Variants in PDE9A observed in about 807,000 individuals in gnomAD.
PDE9A encodes phosphodiesterase 9A, also known as high affinity cGMP-specific 3',5'-cyclic phosphodiesterase 9A.
Under a neutral mutation model 87.4 loss-of-function variants are expected in PDE9A, and 60 were observed. The ratio of observed to expected loss-of-function variants is 0.69; its 90% CI spans 0.56 to 0.85. The LOEUF is 0.85. Ranked by LOEUF, PDE9A falls within the 40% of genes least tolerant of loss-of-function variation. The pLI, the probability that PDE9A is intolerant of heterozygous loss-of-function variation, is 0.00. For synonymous variants in PDE9A, 272 were observed against 279.4 expected (o/e 0.97, Z 0.27); for missense variants, 665 against 779.0 (o/e 0.85, Z 1.74).
At chr21:42,710,786 G>A (rs1340349569) in intron 4 of PDE9A, among the ~76,000 whole-genome samples, 3 of 152,140 alleles carry the variant, frequency 2.0e-5, no homozygotes, top group Non-Finnish European at 2.9e-5. Context: ...TCAAGAGTTC[G>A]AGACCAGCCT....
chr21:42,672,186 C>T (rs1293772277), intron 1 of PDE9A, among the ~76,000 whole-genome samples: 1 of 152,252 alleles, frequency 6.6e-6, no homozygotes, highest in African/African-American at 2.4e-5. Context: ...CAGAGCTGCA[C>T]ATCCCGTTAT....
intron 1 of PDE9A, among the ~76,000 whole-genome samples, chr21:42,676,099 C>T (rs972349842): frequency 1.3e-5 from 2 of 152,226 alleles, no homozygotes; most frequent in African/African-American, 4.8e-5. Context: ...GCTCCTGTTT[C>T]ACCTTCCATC....
intron 7 of PDE9A, among the ~76,000 whole-genome samples, chr21:42,735,004 A>G (rs1004589422): frequency 6.6e-6 from 1 of 152,244 alleles, no homozygotes; most frequent in Admixed American, 6.5e-5. Context: ...AGAAAGCTAA[A>G]GCTGCAAGCA....
Position 42,731,806 on chromosome 21 carries a change from A to G in PDE9A, c.299A>G (p.Gln100Arg), listed in dbSNP as rs2051793475. The change falls in exon 5 of 20, where the codon CAG (glutamine) becomes CGG (arginine). Residue 100 changes from glutamine (Q) to arginine (R), a missense_variant. By Grantham distance (43) the Gln-to-Arg change is conservative (BLOSUM62 1). Coordinates refer to ENST00000291539, the MANE Select transcript of PDE9A (RefSeq NM_002606.3). ...GACAAGAGAACCACAAGCCGTGGCCAGTCTGCTGAGAGACCACTGAGGGAC... is the reference window on the plus strand; with the variant it reads ...GACAAGAGAACCACAAGCCGTGGCCGGTCTGCTGAGAGACCACTGAGGGAC... The part of the protein sequence containing the change: ...VEDKRTTSRG[Q>R]SAERPLRDRR... The G allele has an allele frequency of 1.2e-6, 2 of 1,614,174 alleles. No homozygotes were observed. The highest frequency in any genetic ancestry group is 1.7e-6 in the Non-Finnish European group (2 of 1,180,014).
chr21:42,768,359 G>A (rs753179829), intron 16 of PDE9A, 67 bp downstream of exon 16: 57 of 1,173,042 alleles, frequency 4.9e-5, no homozygotes, highest in South Asian at 1.4e-4. Flanking sequence ...AAGGGTTTGC[G>A]TTAAACGAGC....
intron 1 of PDE9A, among the ~76,000 whole-genome samples, chr21:42,670,660 T>C (rs906510640): frequency 6.9e-6 from 1 of 145,520 alleles, no homozygotes; most frequent in African/African-American, 2.7e-5. Flanking sequence ...TTCACACACA[T>C]ACACACATAC....
chr21:42,747,071 TCCCCAGCCG>T (rs2053930817), intron 8 of PDE9A, among the ~76,000 whole-genome samples: 1 of 152,142 alleles, frequency 6.6e-6, no homozygotes, highest in South Asian at 2.1e-4. Flanking sequence ...TCTGGTCTCA[TCCCCAGCCG>T]CGTCATGTGC....
chr21:42,758,692 C>G (rs1488685596), intron 10 of PDE9A: 1 of 349,418 alleles, frequency 2.9e-6, no homozygotes, highest in African/African-American at 2.1e-5. Context: ...CTCACCCGGT[C>G]GCTGTCCTAA....
intron 4 of PDE9A, among the ~76,000 whole-genome samples, chr21:42,707,512 C>T (rs994727194): frequency 2.6e-5 from 4 of 152,168 alleles, no homozygotes; most frequent in Admixed American, 6.5e-5. Context: ...GAGCTCAGAG[C>T]GAGGAGTCAC....
At chr21:42,742,117 C>G (rs1467872471) in intron 7 of PDE9A, among the ~76,000 whole-genome samples, 1 of 152,112 alleles carries the variant, frequency 6.6e-6, no homozygotes, top group African/African-American at 2.4e-5. Flanking sequence ...AACGCTCGCT[C>G]GGAGGCATAA....
At position 42,703,418 on chromosome 21, in the gene PDE9A, G is replaced by A. The variant is rs573544191; in HGVS notation, c.262+4407G>A. ...AGGACGCTGGTGACAGGACACCATC[G>A]GGAGCAGAGGGGAAGCCATAAAGCC... On this transcript the variant is annotated intron_variant, in intron 4 of 19. Transcript: ENST00000291539. Among the ~76,000 whole-genome samples, 169 of 152,354 alleles carry A rather than the reference G, an allele frequency of 1.1e-3. 1 individual carries two copies. Among genetic ancestry groups the A allele is most frequent in the Non-Finnish European group, 1.9e-3 (129 of 68,040 alleles).
chr21:42,672,398 C>T (rs1428731760), intron 1 of PDE9A, among the ~76,000 whole-genome samples: 4 of 152,234 alleles, frequency 2.6e-5, no homozygotes, highest in African/African-American at 9.6e-5. Flanking sequence ...GCTTTTAGGG[C>T]GTTTGGCTCT....
Position 42,751,110 on chromosome 21 carries a change from C to A in PDE9A, c.654-6C>A. The A allele has an allele frequency of 6.3e-7, 1 of 1,592,070 alleles. No individual in the cohort carries two copies. The highest frequency in any genetic ancestry group is 8.6e-7 in the Non-Finnish European group (1 of 1,159,696). ...ACCACAGCTCATCTCTGCTCCTTCT[C>A]TCTAGGACCAACTGCCCCTGTAAGT... On this transcript the variant is annotated splice_polypyrimidine_tract_variant and splice_region_variant and intron_variant, in intron 8 of 19. Transcript: ENST00000291539.
chr21:42,712,336 T>G (rs545332616), intron 4 of PDE9A, among the ~76,000 whole-genome samples: 1 of 152,356 alleles, frequency 6.6e-6, no homozygotes, highest in Admixed American at 6.5e-5. Flanking sequence ...TGCTGCTAGT[T>G]TATAAAAATA....
rs560390172 is a variant in PDE9A, at chr21:42,685,523, A to G, written c.70-669A>G. ...CTCTTGTTGCCCAGGCTGGAGTGCA[A>G]TGGTGCGATCTCGGTTCACTGCAAC... On this transcript the variant is annotated intron_variant, in intron 1 of 19. Coordinates refer to ENST00000291539, the MANE Select transcript of PDE9A (RefSeq NM_002606.3). 8.9e-4 allele frequency among the ~76,000 whole-genome samples: 124 copies of G among 139,806 alleles called. 3 individuals are homozygous for G. The highest frequency in any genetic ancestry group is 8.4e-3 in the Middle Eastern group (2 of 238). 91.7% of individuals were successfully genotyped at this position (139,806 alleles called of 152,430 possible). A position where few individuals can be genotyped will look rare whatever the true frequency, so the allele number is the denominator to read the frequency against.
rs752094010 is a variant in PDE9A, at chr21:42,687,951, G to A, written c.175G>A (p.Ala59Thr). 37 of 1,613,020 alleles carry A rather than the reference G, an allele frequency of 2.3e-5. No homozygotes were observed. The South Asian group carries it at 3.0e-4, about 13-fold the overall frequency. The stretch of plus-strand genomic sequence containing the variant: ...CATCTCCCTGCTGACCACCGACGAC[G>A]CCATGGTCTCCATCGACCCCACCAT... ...TTISLLTTDD[A>T]MVSIDPTMPA... The change falls in exon 3 of 20, where the codon GCC (alanine) becomes ACC (threonine). Residue 59 changes from alanine (A) to threonine (T), a missense_variant. By Grantham distance (58) the Ala-to-Thr change is moderately conservative (BLOSUM62 0). Transcript: ENST00000291539.
intron 4 of PDE9A, among the ~76,000 whole-genome samples, chr21:42,699,943 G>T (rs1023977017): frequency 1.3e-5 from 2 of 151,842 alleles, no homozygotes; most frequent in African/African-American, 4.8e-5. Context: ...TGCCTATTTT[G>T]ATGACTTTTG....
chr21:42,747,374 T>A (rs1396585812), intron 8 of PDE9A, among the ~76,000 whole-genome samples: 1 of 152,062 alleles, frequency 6.6e-6, no homozygotes, highest in Non-Finnish European at 1.5e-5. Flanking sequence ...TTCTTGCCTC[T>A]GGGAAGAGAA....
chr21:42,668,556 T>C (rs983608908), intron 1 of PDE9A, among the ~76,000 whole-genome samples: 7 of 152,224 alleles, frequency 4.6e-5, no homozygotes, highest in Non-Finnish European at 5.9e-5. Context: ...CCTGTTCTTT[T>C]GGTTCGTCGA....
Sources: allele counts gnomAD v4.1 joint callset (sites outside exome capture counted in the v4.1 genomes callset), GRCh38; gene constraint gnomAD v4.1.1; transcripts MANE v1.5; gene names NCBI Gene and HGNC (gene_info 2026-07-23, HGNC 2026-07-21).